The following SUPT3H variants were observed in gnomAD, a reference collection of about 807,000 sequenced individuals.
SUPT3H encodes the protein SPT3 homolog, SAGA and STAGA complex component.
Under a neutral mutation model 44.3 loss-of-function variants are expected in SUPT3H, and 44 were observed. That is an observed-to-expected ratio of 0.99 (90% CI 0.78 to 1.28). The LOEUF (loss-of-function observed/expected upper bound fraction) is 1.28. Among genes scored for constraint, SUPT3H ranks in the 50% most tolerant of loss-of-function variants. The probability of loss-of-function intolerance (pLI) is 0.00; values close to 1 mark genes in which losing one functional copy is unlikely to be tolerated. For missense variants in SUPT3H, 380 were observed against 387.1 expected, an observed-to-expected ratio of 0.98 and a Z score of 0.15; for synonymous variants, 124 against 125.6, an observed-to-expected ratio of 0.99 and a Z score of 0.09.
chr6:44,911,371 T>TTC (rs1287753012), intron 10 of SUPT3H, among the ~76,000 whole-genome samples: 1 of 152,194 alleles, frequency 6.6e-6, no homozygotes, highest in Admixed American at 6.5e-5. Flanking sequence ...CATAACTATC[T>TTC]TCCAAATTGT....
chr6:45,228,689 C>A (rs986380029), intron 2 of SUPT3H, among the ~76,000 whole-genome samples: 2 of 151,922 alleles, frequency 1.3e-5, no homozygotes, highest in African/African-American at 4.8e-5. Flanking sequence ...CACTTTGTGG[C>A]TCAGGCTGCA....
At chr6:45,000,754 A>T (rs188786231) in intron 6 of SUPT3H, among the ~76,000 whole-genome samples, 222 of 152,124 alleles carry the variant, frequency 1.5e-3, no homozygotes, top group African/African-American at 5.1e-3. Flanking sequence ...CTGATATGAA[A>T]ACACAAGATA....
At chr6:44,812,903 T>C (rs79363734) in intron 11 of SUPT3H, among the ~76,000 whole-genome samples, 2,701 of 152,206 alleles carry the variant, frequency 0.018, 88 homozygotes, top group African/African-American at 0.061. Context: ...CAATTTCCCC[T>C]TGAAGCATAT....
chr6:44,838,273 A>C (rs948850795), intron 10 of SUPT3H, among the ~76,000 whole-genome samples: 5 of 152,246 alleles, frequency 3.3e-5, no homozygotes, highest in Non-Finnish European at 7.3e-5. Context: ...CAAAAAACAC[A>C]GAGTACAAGG....
intron 10 of SUPT3H, among the ~76,000 whole-genome samples, chr6:44,859,110 G>A (rs1774204002): frequency 6.6e-6 from 1 of 152,148 alleles, no homozygotes; most frequent in South Asian, 2.1e-4. Context: ...GGTAAAAAGA[G>A]TCCATCTAAC....
At chr6:45,373,473 G>C (rs1421428791) in intron 1 of SUPT3H, among the ~76,000 whole-genome samples, 1 of 152,108 alleles carries the variant, frequency 6.6e-6, no homozygotes, top group Non-Finnish European at 1.5e-5. Context: ...GCAGTAGTAT[G>C]GGGTTGTTTT....
intron 3 of SUPT3H, among the ~76,000 whole-genome samples, chr6:45,093,164 T>C (rs140660417): frequency 2.0e-5 from 3 of 152,280 alleles, no homozygotes; most frequent in Admixed American, 2.0e-4. Context: ...AATAATTGTA[T>C]GTTCTTCAAA....
At chr6:44,830,890 T>G (rs1768544093) in intron 10 of SUPT3H, among the ~76,000 whole-genome samples, 1 of 151,792 alleles carries the variant, frequency 6.6e-6, no homozygotes, top group East Asian at 1.9e-4. Flanking sequence ...GCCACAGCCA[T>G]ATTTTAAGAA....
chr6:45,279,522 G>A (rs575866329), intron 2 of SUPT3H, among the ~76,000 whole-genome samples: 2 of 152,158 alleles, frequency 1.3e-5, no homozygotes, highest in African/African-American at 4.8e-5. Context: ...TTTTAAAAAT[G>A]TGTAGCACCT....
intron 2 of SUPT3H, among the ~76,000 whole-genome samples, chr6:45,275,333 TC>T (rs1261181384): frequency 6.6e-6 from 1 of 152,160 alleles, no homozygotes; most frequent in Non-Finnish European, 1.5e-5. Flanking sequence ...ATTCTTATAA[TC>T]TCTGTTATTT....
intron 2 of SUPT3H, among the ~76,000 whole-genome samples, chr6:45,262,290 C>T (rs1774495338): frequency 6.6e-6 from 1 of 151,386 alleles, no homozygotes; most frequent in Non-Finnish European, 1.5e-5. Context: ...AAAAGAAAAG[C>T]ATATTACTGG....
At chr6:45,007,217 T>TA (rs1254617433) in intron 5 of SUPT3H, among the ~76,000 whole-genome samples, 1 of 152,110 alleles carries the variant, frequency 6.6e-6, no homozygotes, top group Non-Finnish European at 1.5e-5. Flanking sequence ...GGCTGAGCTT[T>TA]TGTAAGATTT....
At chr6:44,883,410 T>C (rs768650277) in intron 10 of SUPT3H, among the ~76,000 whole-genome samples, 14 of 152,208 alleles carry the variant, frequency 9.2e-5, no homozygotes, top group Non-Finnish European at 2.1e-4. Context: ...TCCATGCTTA[T>C]GGATGGGAAT....
chr6:45,360,059 C>T (rs1793980240), intron 2 of SUPT3H, among the ~76,000 whole-genome samples: 1 of 152,190 alleles, frequency 6.6e-6, no homozygotes, highest in Non-Finnish European at 1.5e-5. Context: ...TGTTGAAAGT[C>T]ATTTATAAAC....
intron 2 of SUPT3H, among the ~76,000 whole-genome samples, chr6:45,179,758 A>G (rs1199813423): frequency 6.6e-6 from 1 of 152,246 alleles, no homozygotes; most frequent in Non-Finnish European, 1.5e-5. Flanking sequence ...CCCACAGCCA[A>G]TATCATTCTG....
intron 2 of SUPT3H, among the ~76,000 whole-genome samples, chr6:45,263,822 C>A (rs1307478599): frequency 6.6e-6 from 1 of 152,102 alleles, no homozygotes; most frequent in Non-Finnish European, 1.5e-5. Context: ...AAAATCGTAA[C>A]CATCACACAA....
intron 2 of SUPT3H, among the ~76,000 whole-genome samples, chr6:45,258,003 G>A (rs548656878): frequency 2.0e-5 from 3 of 152,164 alleles, no homozygotes; most frequent in Admixed American, 1.3e-4. Context: ...AATAATTCTC[G>A]ATCACGGAAA....
intron 3 of SUPT3H, among the ~76,000 whole-genome samples, chr6:45,060,464 A>C (rs1791811898): frequency 1.3e-5 from 2 of 152,176 alleles, no homozygotes; most frequent in Admixed American, 1.3e-4. Flanking sequence ...TGGATTAAAA[A>C]CTTAACTGTA....
intron 2 of SUPT3H, among the ~76,000 whole-genome samples, chr6:45,140,540 C>T (rs893351989): frequency 6.6e-6 from 1 of 152,158 alleles, no homozygotes; most frequent in East Asian, 1.9e-4. Context: ...CCTGCCTAAC[C>T]AAAGGTCCTG....
Sources: allele counts gnomAD v4.1 joint callset (sites outside exome capture counted in the v4.1 genomes callset), GRCh38; gene constraint gnomAD v4.1.1; transcripts MANE v1.5; gene names NCBI Gene and HGNC (gene_info 2026-07-23, HGNC 2026-07-21).